Variants in RCHY1 observed in about 807,000 individuals in gnomAD.
RCHY1 encodes the protein RING finger and CHY zinc finger domain-containing protein 1.
A neutral mutation model predicts 41.6 loss-of-function variants in RCHY1; 21 were observed. The ratio of observed to expected loss-of-function variants is 0.51; its 90% CI spans 0.36 to 0.73. The LOEUF is 0.73. Ranked by LOEUF, RCHY1 falls within the 30% of genes least tolerant of loss-of-function variation. The probability of loss-of-function intolerance (pLI) is 0.00; values close to 1 mark genes in which losing one functional copy is unlikely to be tolerated. For missense variants in RCHY1, 265 were observed against 325.3 expected (o/e 0.81, Z 1.43); for synonymous variants, 79 against 102.9 (o/e 0.77, Z 1.41).
intron 3 of RCHY1, among the ~76,000 whole-genome samples, chr4:75,498,392 AAAGAAAGG>A (rs1176735572): frequency 6.6e-6 from 1 of 151,718 alleles, no homozygotes; most frequent in Non-Finnish European, 1.5e-5. Flanking sequence ...GCAAACATTT[AAAGAAAGG>A]AAGGAAGGAA....
intron 8 of RCHY1, among the ~76,000 whole-genome samples, chr4:75,489,699 C>T (rs1722578710): frequency 1.3e-5 from 2 of 152,154 alleles, no homozygotes. Flanking sequence ...CTAAATGCCG[C>T]AAGGCTTTTA....
chr4:75,487,472 CAA>C (rs950771619), intron 8 of RCHY1, among the ~76,000 whole-genome samples: 11 of 97,494 alleles, frequency 1.1e-4, no homozygotes, highest in Non-Finnish European at 1.8e-4. Context: ...TATATATTCA[CAA>C]TATATATAGT....
intron 3 of RCHY1, among the ~76,000 whole-genome samples, chr4:75,499,577 T>A (rs999646274): frequency 6.6e-6 from 1 of 152,032 alleles, no homozygotes; most frequent in African/African-American, 2.4e-5. Flanking sequence ...CACTACGGAG[T>A]ATTACTCAGC....
Position 75,482,393 on chromosome 4 carries a change from T to C in RCHY1, c.*145A>G, listed in dbSNP as rs114204659. ...TATCAAGAGACCCTGAATCCTTACG[T>C]ACTTGTAATATGATTTTATGCTGTG... On this transcript the variant is annotated 3_prime_UTR_variant, in exon 9 of 9. Coordinates refer to ENST00000324439, the MANE Select transcript of RCHY1 (RefSeq NM_015436.4). The C allele has an allele frequency of 3.8e-3, 2,298 of 601,548 alleles. 45 individuals are homozygous for C. In the African/African-American group the frequency reaches 0.04, roughly 10 times the overall value. 37.3% of individuals were successfully genotyped at this position (601,548 alleles called of 1,614,324 possible).
chr4:75,506,474 A>G (rs1225120149), intron 3 of RCHY1, among the ~76,000 whole-genome samples: 1 of 152,114 alleles, frequency 6.6e-6, no homozygotes, highest in African/African-American at 2.4e-5. Context: ...CCTGACAACT[A>G]GAAAATAACA....
At chr4:75,490,498 T>C in intron 8 of RCHY1, 83 bp downstream of exon 8, 1 of 1,053,432 alleles carries the variant, frequency 9.5e-7, no homozygotes, top group African/African-American at 1.6e-5. Context: ...TATATATTTT[T>C]TTTTTGGCAA....
chr4:75,514,386 G>T lies in RCHY1; in HGVS notation c.-100C>A, dbSNP rs552205454. ...CTAGCACACCCCTCCCAGCCCCAGC[G>T]GCCACTAGCGACAATATGGCTCCTA... On this transcript the variant is annotated 5_prime_UTR_variant, in exon 1 of 9. Transcript: ENST00000324439. The T allele has an allele frequency of 4.4e-6, 6 of 1,354,886 alleles. No homozygotes were observed. Among genetic ancestry groups the T allele is most frequent in the Non-Finnish European group, 6.0e-6 (6 of 1,002,916 alleles). 83.9% of individuals were successfully genotyped at this position (1,354,886 alleles called of 1,614,324 possible). A position where few individuals can be genotyped will look rare whatever the true frequency, so the allele number is the denominator to read the frequency against.
chr4:75,486,380 T>TA (rs1456594423), intron 8 of RCHY1, among the ~76,000 whole-genome samples: 1 of 152,116 alleles, frequency 6.6e-6, no homozygotes. Flanking sequence ...GTTAAAATGC[T>TA]AAAACATTAA....
chr4:75,505,716 C>T (rs1295755207), intron 3 of RCHY1, among the ~76,000 whole-genome samples: 1 of 152,052 alleles, frequency 6.6e-6, no homozygotes, highest in Non-Finnish European at 1.5e-5. Context: ...TTCTATAGGA[C>T]TAAAACTCCT....
chr4:75,487,479 T>C (rs1172185173), intron 8 of RCHY1, among the ~76,000 whole-genome samples: 1 of 137,154 alleles, frequency 7.3e-6, no homozygotes, highest in Non-Finnish European at 1.5e-5. Flanking sequence ...TCACAATATA[T>C]ATAGTCATAT....
intron 3 of RCHY1, among the ~76,000 whole-genome samples, chr4:75,499,867 G>C (rs1723579129): frequency 6.6e-6 from 1 of 152,198 alleles, no homozygotes; most frequent in Non-Finnish European, 1.5e-5. Context: ...TAGACCAGTA[G>C]GGTGACTACG....
At chr4:75,482,711 T>A in intron 8 of RCHY1, 45 bp from the exon 9 acceptor site, 1 of 1,432,278 alleles carries the variant, frequency 7.0e-7, no homozygotes, top group South Asian at 1.3e-5. Context: ...ACCTTATAAA[T>A]ACAAGTAGCA....
At chr4:75,505,757 A>G (rs1724238566) in intron 3 of RCHY1, among the ~76,000 whole-genome samples, 1 of 152,228 alleles carries the variant, frequency 6.6e-6, no homozygotes, top group South Asian at 2.1e-4. Context: ...AATTTAAAGA[A>G]AACAAACAAG....
chr4:75,496,079 C>A (rs1723179538), intron 3 of RCHY1, among the ~76,000 whole-genome samples: 1 of 152,116 alleles, frequency 6.6e-6, no homozygotes, highest in South Asian at 2.1e-4. Context: ...TTAGAATAGG[C>A]TGTCAAACTC....
At chr4:75,488,693 C>T (rs1013094704) in intron 8 of RCHY1, among the ~76,000 whole-genome samples, 1 of 152,180 alleles carries the variant, frequency 6.6e-6, no homozygotes, top group South Asian at 2.1e-4. Context: ...TTTAAGAGGA[C>T]ACAAATCCAA....
At chr4:75,490,062 C>CAG (rs1481409324) in intron 8 of RCHY1, among the ~76,000 whole-genome samples, 1 of 152,044 alleles carries the variant, frequency 6.6e-6, no homozygotes, top group Non-Finnish European at 1.5e-5. Context: ...TCTTATCTCT[C>CAG]AATTTGTTCC....
intron 1 of RCHY1, among the ~76,000 whole-genome samples, chr4:75,512,912 G>GC (rs1725075815): frequency 1.5e-5 from 2 of 137,290 alleles, no homozygotes; most frequent in South Asian, 2.6e-4. Context: ...AGGGGGGGGG[G>GC]GGGGCGGGGG....
At chr4:75,488,931 C>T (rs1257064500) in intron 8 of RCHY1, among the ~76,000 whole-genome samples, 2 of 152,006 alleles carry the variant, frequency 1.3e-5, no homozygotes, top group African/African-American at 4.8e-5. Flanking sequence ...AAAAATTAGC[C>T]AGGTGTGGTG....
At chr4:75,506,398 T>C (rs111687955) in intron 3 of RCHY1, among the ~76,000 whole-genome samples, 5 of 151,962 alleles carry the variant, frequency 3.3e-5, no homozygotes, top group Non-Finnish European at 5.9e-5. Flanking sequence ...ATTGGAGTTA[T>C]TAGGCACAGT....
Sources: allele counts gnomAD v4.1 joint callset (sites outside exome capture counted in the v4.1 genomes callset), GRCh38; gene constraint gnomAD v4.1.1; transcripts MANE v1.5; gene names NCBI Gene and HGNC (gene_info 2026-07-23, HGNC 2026-07-21).